Variants in CYYR1 observed in about 807,000 individuals in gnomAD.
CYYR1 encodes the protein cysteine and tyrosine rich 1, also known as cysteine and tyrosine-rich protein 1.
A neutral mutation model predicts 15.2 loss-of-function variants in CYYR1; 14 were observed. That is an observed-to-expected ratio of 0.92 (90% confidence interval 0.61 to 1.44). CYYR1 has a LOEUF of 1.44. Ranked by LOEUF, CYYR1 falls within the 40% of genes most tolerant of loss-of-function variation. The pLI is 0.00. For synonymous variants in CYYR1, 80 were observed against 77.4 expected (o/e 1.03, Z -0.18); for missense variants, 228 against 209.5 (o/e 1.09, Z -0.54).
Position 26,468,650 on chromosome 21 carries a change from A to T in CYYR1, c.335-16T>A, listed in dbSNP as rs778844034. 3 of 1,568,996 alleles carry T rather than the reference A, an allele frequency of 1.9e-6. No homozygotes were observed. The highest frequency in any genetic ancestry group is 2.6e-6 in the Non-Finnish European group (3 of 1,149,312). ...GGTGGTCCTGCTGAAAAAGAAGGGG[A>T]AGAGAACATCAAGGAGTTAGCAAAT... On this transcript the variant is annotated splice_polypyrimidine_tract_variant and intron_variant, in intron 3 of 3. Coordinates refer to ENST00000652641, the MANE Select transcript of CYYR1 (RefSeq NM_001320768.2).
intron 3 of CYYR1, among the ~76,000 whole-genome samples, chr21:26,473,423 C>T (rs2065061020): frequency 6.6e-6 from 1 of 152,242 alleles, no homozygotes; most frequent in East Asian, 1.9e-4. Flanking sequence ...CCTATTGTTC[C>T]CCTTCCACTC....
chr21:26,477,852 A>AT (rs2065124074), intron 3 of CYYR1: 3 of 1,229,926 alleles, frequency 2.4e-6, no homozygotes, highest in Non-Finnish European at 3.1e-6. Context: ...AATTCCATCT[A>AT]TTTTTTTCCT....
intron 2 of CYYR1, among the ~76,000 whole-genome samples, chr21:26,505,321 TA>T (rs2065541086): frequency 6.6e-6 from 1 of 152,130 alleles, no homozygotes; most frequent in Admixed American, 6.5e-5. Context: ...TAAAAAGCAA[TA>T]AAAGCCCAAG....
intron 2 of CYYR1, among the ~76,000 whole-genome samples, chr21:26,525,405 G>A (rs1433883403): frequency 6.6e-6 from 1 of 152,108 alleles, no homozygotes; most frequent in Non-Finnish European, 1.5e-5. Context: ...AAAGGTCCAA[G>A]CAGTGAGCGT....
At chr21:26,536,300 ATAACT>A (rs1978301094) in intron 2 of CYYR1, among the ~76,000 whole-genome samples, 1 of 152,168 alleles carries the variant, frequency 6.6e-6, no homozygotes, top group Admixed American at 6.5e-5. Context: ...GAGAGTAGAC[ATAACT>A]TACTGTTGAA....
At chr21:26,551,576 C>G (rs1459962170) in intron 2 of CYYR1, 1 of 155,308 alleles carries the variant, frequency 6.4e-6, no homozygotes, top group South Asian at 1.9e-4. Context: ...GGGTTCAAGA[C>G]TTTGGTAGAG....
chr21:26,514,094 A>T (rs1238694425), intron 2 of CYYR1, among the ~76,000 whole-genome samples: 2 of 152,090 alleles, frequency 1.3e-5, no homozygotes, highest in Non-Finnish European at 2.9e-5. Flanking sequence ...CCAAGGTAAG[A>T]AAGAAACTAC....
At chr21:26,485,223 G>A (rs564092632) in intron 2 of CYYR1, among the ~76,000 whole-genome samples, 6 of 151,756 alleles carry the variant, frequency 4.0e-5, no homozygotes, top group Admixed American at 2.0e-4. Flanking sequence ...ATAAATTCAC[G>A]GGAAGTGTAA....
chr21:26,552,798 T>C (rs1979488510), intron 2 of CYYR1, among the ~76,000 whole-genome samples: 1 of 152,150 alleles, frequency 6.6e-6, no homozygotes, highest in Non-Finnish European at 1.5e-5. Flanking sequence ...CCTGTGCTAG[T>C]CATGTTAAAT....
At chr21:26,560,113 T>C (rs1182212733) in intron 2 of CYYR1, among the ~76,000 whole-genome samples, 1 of 152,182 alleles carries the variant, frequency 6.6e-6, no homozygotes, top group East Asian at 1.9e-4. Flanking sequence ...TAGGTCTCTC[T>C]TTATCCCTTG....
chr21:26,495,243 T>C (rs186310709), intron 2 of CYYR1, among the ~76,000 whole-genome samples: 2 of 152,238 alleles, frequency 1.3e-5, no homozygotes, highest in Admixed American at 6.5e-5. Flanking sequence ...CAGAGAGCGG[T>C]AGATCTAACA....
chr21:26,499,749 G>C (rs909905285), intron 2 of CYYR1, among the ~76,000 whole-genome samples: 5 of 152,010 alleles, frequency 3.3e-5, no homozygotes, highest in African/African-American at 1.2e-4. Flanking sequence ...GAGTGGATCA[G>C]ACTGGCTGGA....
chr21:26,534,887 G>A (rs1444444036), intron 2 of CYYR1, among the ~76,000 whole-genome samples: 1 of 152,100 alleles, frequency 6.6e-6, no homozygotes, highest in African/African-American at 2.4e-5. Context: ...TGTAATAGTT[G>A]TATGTACGAT....
chr21:26,567,980 C>A (rs1483558038), intron 1 of CYYR1: 2 of 152,206 alleles, frequency 1.3e-5, no homozygotes, highest in African/African-American at 4.8e-5. Flanking sequence ...ACCCTTGAGG[C>A]TTACCTCTGG....
At chr21:26,489,651 C>T (rs2065299033) in intron 2 of CYYR1, among the ~76,000 whole-genome samples, 1 of 151,998 alleles carries the variant, frequency 6.6e-6, no homozygotes, top group Non-Finnish European at 1.5e-5. Flanking sequence ...GTTGTCAGTA[C>T]AGCTTTGAGA....
chr21:26,495,184 G>A (rs1177594113), intron 2 of CYYR1, among the ~76,000 whole-genome samples: 10 of 152,192 alleles, frequency 6.6e-5, no homozygotes, highest in Non-Finnish European at 4.4e-5. Flanking sequence ...TACAGTCTGG[G>A]TTATCACTTC....
intron 2 of CYYR1, among the ~76,000 whole-genome samples, chr21:26,530,100 T>A (rs937202765): frequency 5.9e-5 from 9 of 152,208 alleles, no homozygotes; most frequent in Admixed American, 1.3e-4. Context: ...CTAAGCTGTA[T>A]GACTTTGGAT....
At chr21:26,511,222 T>A (rs1276763667) in intron 2 of CYYR1, among the ~76,000 whole-genome samples, 1 of 152,242 alleles carries the variant, frequency 6.6e-6, no homozygotes. Context: ...TTCTTGCCAC[T>A]GGTATCTGTG....
intron 2 of CYYR1, among the ~76,000 whole-genome samples, chr21:26,544,325 C>A (rs550056226): frequency 6.6e-6 from 1 of 152,066 alleles, no homozygotes; most frequent in African/African-American, 2.4e-5. Flanking sequence ...AAATGCAGAG[C>A]GCTTAGAAAA....
Sources: allele counts gnomAD v4.1 joint callset (sites outside exome capture counted in the v4.1 genomes callset), GRCh38; gene constraint gnomAD v4.1.1; transcripts MANE v1.5; gene names NCBI Gene and HGNC (gene_info 2026-07-23, HGNC 2026-07-21).